Variants in PPP3CA observed in about 807,000 individuals in gnomAD.
PPP3CA encodes protein phosphatase 3 catalytic subunit alpha.
In PPP3CA, 14 loss-of-function variants were observed where a neutral mutation model predicts 66.5. The ratio of observed to expected loss-of-function variants is 0.21; its 90% CI spans 0.14 to 0.33. The LOEUF (loss-of-function observed/expected upper bound fraction) is 0.33. Among genes scored for constraint, PPP3CA ranks in the 10% least tolerant of loss-of-function variants. The pLI is 1.00. For missense variants in PPP3CA, 317 were observed against 639.5 expected, an observed-to-expected ratio of 0.50 and a Z score of 5.44; for synonymous variants, 232 against 226.2, an observed-to-expected ratio of 1.03 and a Z score of -0.23.
chr4:101,320,032 A>C (rs1728992288), intron 1 of PPP3CA, among the ~76,000 whole-genome samples: 1 of 152,172 alleles, frequency 6.6e-6, no homozygotes, highest in South Asian at 2.1e-4. Context: ...CATACGAGTC[A>C]GTGAATAGAG....
intron 3 of PPP3CA, among the ~76,000 whole-genome samples, chr4:101,106,064 T>G (rs1165423788): frequency 6.6e-6 from 1 of 152,060 alleles, no homozygotes; most frequent in African/African-American, 2.4e-5. Context: ...TTGCACACTT[T>G]GTAATCTGAG....
chr4:101,332,195 G>A (rs1293941019), intron 1 of PPP3CA, among the ~76,000 whole-genome samples: 2 of 152,122 alleles, frequency 1.3e-5, no homozygotes, highest in Admixed American at 1.3e-4. Flanking sequence ...AGCAACTGTT[G>A]TATATAGGGT....
chr4:101,159,935 A>G (rs1162651678), intron 2 of PPP3CA, among the ~76,000 whole-genome samples: 1 of 152,136 alleles, frequency 6.6e-6, no homozygotes, highest in Non-Finnish European at 1.5e-5. Context: ...TATTATTCTT[A>G]AAGTTACAAA....
rs540677026 is a variant in PPP3CA at position 101,157,851 on chromosome 4, C to T, written c.259+38065G>A. Reference sequence around the variant, plus strand: ...AAAATGCTTTATGAATCATCCTAAACGGTTCCTTAGGAGGCAAAAAAAAAA... The same window carrying T: ...AAAATGCTTTATGAATCATCCTAAATGGTTCCTTAGGAGGCAAAAAAAAAA... On this transcript the variant is annotated intron_variant, in intron 2 of 13. Transcript: ENST00000394854. Among the ~76,000 whole-genome samples the T allele has an allele frequency of 7.1e-5, 9 of 127,272 alleles. No homozygotes were observed. In the East Asian group the frequency reaches 7.2e-4, roughly 10 times the overall value. The allele number at this position is 127,272 out of a possible 152,430, so 83.5% of individuals were successfully genotyped here. A position where few individuals can be genotyped will look rare whatever the true frequency, so the allele number is the denominator to read the frequency against.
chr4:101,078,449 A>G (rs1729285306), intron 8 of PPP3CA, among the ~76,000 whole-genome samples: 2 of 152,200 alleles, frequency 1.3e-5, no homozygotes. Context: ...CATCCAGATC[A>G]TATTTTATCT....
intron 1 of PPP3CA, among the ~76,000 whole-genome samples, chr4:101,337,577 T>C (rs535349733): frequency 6.6e-5 from 10 of 152,362 alleles, no homozygotes; most frequent in African/African-American, 1.7e-4. Flanking sequence ...TGAGATTTTA[T>C]GTAGGAAACT....
At chr4:101,217,456 A>G (rs1294735773) in intron 1 of PPP3CA, among the ~76,000 whole-genome samples, 1 of 152,098 alleles carries the variant, frequency 6.6e-6, no homozygotes, top group African/African-American at 2.4e-5. Context: ...AGACTATGAA[A>G]TCTAATTCTG....
intron 2 of PPP3CA, among the ~76,000 whole-genome samples, chr4:101,189,572 A>G (rs1404425700): frequency 6.6e-6 from 1 of 150,972 alleles, no homozygotes; most frequent in African/African-American, 2.4e-5. Flanking sequence ...AAGATAGACA[A>G]TTTCACTGAG....
chr4:101,244,703 T>C (rs1726421177), intron 1 of PPP3CA, among the ~76,000 whole-genome samples: 1 of 152,216 alleles, frequency 6.6e-6, no homozygotes, highest in Non-Finnish European at 1.5e-5. Context: ...TTTATATGTT[T>C]CAGAAGAATT....
intron 2 of PPP3CA, among the ~76,000 whole-genome samples, chr4:101,126,814 C>T (rs979328503): frequency 1.3e-5 from 2 of 152,104 alleles, no homozygotes; most frequent in South Asian, 2.1e-4. Flanking sequence ...GTAAAATCTA[C>T]CTGTGTTGGA....
At chr4:101,033,888 A>T (rs1320167212) in intron 11 of PPP3CA, among the ~76,000 whole-genome samples, 5 of 152,070 alleles carry the variant, frequency 3.3e-5, no homozygotes, top group African/African-American at 1.2e-4. Context: ...GCCTTCTGTG[A>T]CTTCCTTCTT....
At chr4:101,278,212 T>C (rs990497745) in intron 1 of PPP3CA, among the ~76,000 whole-genome samples, 1 of 151,792 alleles carries the variant, frequency 6.6e-6, no homozygotes, top group Non-Finnish European at 1.5e-5. Context: ...ACACTGCAAT[T>C]ATTTTGCCAT....
chr4:101,068,044 G>A (rs1482247324), intron 8 of PPP3CA, among the ~76,000 whole-genome samples: 1 of 151,982 alleles, frequency 6.6e-6, no homozygotes, highest in Non-Finnish European at 1.5e-5. Context: ...TTAAGACAGG[G>A]GAGAAGAGGT....
chr4:101,163,062 C>T (rs1030094883), intron 2 of PPP3CA, among the ~76,000 whole-genome samples: 2 of 152,168 alleles, frequency 1.3e-5, no homozygotes, highest in African/African-American at 2.4e-5. Flanking sequence ...CTTGACATGG[C>T]TACTGACTAC....
chr4:101,290,838 G>A (rs1472869625), intron 1 of PPP3CA, among the ~76,000 whole-genome samples: 3 of 152,142 alleles, frequency 2.0e-5, no homozygotes, highest in Non-Finnish European at 4.4e-5. Context: ...CATGGCATGG[G>A]GCCAGACTGA....
At chr4:101,314,963 A>G (rs1276311946) in intron 1 of PPP3CA, among the ~76,000 whole-genome samples, 1 of 152,206 alleles carries the variant, frequency 6.6e-6, no homozygotes, top group Non-Finnish European at 1.5e-5. Flanking sequence ...TCTTGGTTTT[A>G]TAATTTTTTC....
At chr4:101,189,948 G>GA (rs1365596181) in intron 2 of PPP3CA, among the ~76,000 whole-genome samples, 2 of 151,940 alleles carry the variant, frequency 1.3e-5, no homozygotes, top group Non-Finnish European at 2.9e-5. Flanking sequence ...TACTGACTCA[G>GA]AAAGAGAATA....
At chr4:101,026,138 G>A in intron 13 of PPP3CA, 77 bp from the exon 14 acceptor site, 1 of 1,256,324 alleles carries the variant, frequency 8.0e-7, no homozygotes, top group Non-Finnish European at 1.1e-6. Flanking sequence ...TGCAGCAGGT[G>A]ATGTTAGAGA....
At position 101,106,407 on chromosome 4, in the gene PPP3CA, A is replaced by AAGAG. The variant is rs1730692013; in HGVS notation, c.384+2546_384+2547insCTCT. 3.0e-4 allele frequency among the ~76,000 whole-genome samples: 3 copies of AAGAG among 10,148 alleles called. 1 individual carries two copies. The highest frequency in any genetic ancestry group is 4.2e-4 in the Non-Finnish European group (2 of 4,760). The allele number at this position is 10,148 out of a possible 152,430, so 6.7% of individuals were successfully genotyped here. On this transcript the variant is annotated intron_variant, in intron 3 of 13. Coordinates refer to ENST00000394854, the MANE Select transcript of PPP3CA (RefSeq NM_000944.5). ...AAAGAAAGAAAGAAAGAAAGAAAGA[A>AAGAG]AGAAAGAAAGAAAGAAAGAAAGAAA...
Sources: allele counts gnomAD v4.1 joint callset (sites outside exome capture counted in the v4.1 genomes callset), GRCh38; gene constraint gnomAD v4.1.1; transcripts MANE v1.5; gene names NCBI Gene and HGNC (gene_info 2026-07-23, HGNC 2026-07-21).